Variants in REPS1 observed in about 807,000 individuals in gnomAD.
REPS1 encodes the protein ralBP1-associated Eps domain-containing protein 1.
Under a neutral mutation model 100.9 loss-of-function variants are expected in REPS1, and 39 were observed. The observed-to-expected ratio is 0.39, with a 90% CI of 0.30 to 0.50. REPS1 has a LOEUF of 0.50. REPS1 is among the 20% of genes least tolerant of loss of function. The probability of loss-of-function intolerance (pLI) is 0.86; values close to 1 mark genes in which losing one functional copy is unlikely to be tolerated. For synonymous variants in REPS1, 324 were observed against 340.3 expected (o/e 0.95, Z 0.53); for missense variants, 821 against 968.5 (o/e 0.85, Z 2.02).
intron 1 of REPS1, among the ~76,000 whole-genome samples, chr6:138,969,524 A>C (rs1485060037): frequency 6.6e-6 from 1 of 150,666 alleles, no homozygotes; most frequent in Non-Finnish European, 1.5e-5. Context: ...CCTGGGCTCA[A>C]GTGATCCATC....
rs142379058 is a variant in REPS1 at position 138,935,219 on chromosome 6, GT to G, written c.1136-5122del. Among the ~76,000 whole-genome samples the G allele has an allele frequency of 9.0e-3, 1,370 of 152,028 alleles. 16 individuals carry two copies. Among genetic ancestry groups the G allele is most frequent in the African/African-American group, 0.031 (1,296 of 41,476 alleles). On this transcript the variant is annotated intron_variant, in intron 8 of 19. Coordinates refer to ENST00000450536, the MANE Select transcript of REPS1 (RefSeq NM_001286611.2). ...TAATTGTTTTCAATTAAAACCAAAG[GT>G]TTAAAAAAATCAAAGTAAAAATGTG...
chr6:138,911,039 A>G, intron 17 of REPS1: 2 of 390,274 alleles, frequency 5.1e-6, no homozygotes, highest in Admixed American at 4.0e-5. Context: ...TCTACCTTAT[A>G]TAGTGGGAAG....
At chr6:138,950,988 G>A (rs915655021) in intron 1 of REPS1, 3 of 152,214 alleles carry the variant, frequency 2.0e-5, no homozygotes, top group African/African-American at 7.2e-5. Context: ...AGGAGTTCGA[G>A]GCCGGCCTGA....
intron 1 of REPS1, among the ~76,000 whole-genome samples, chr6:138,952,965 G>A (rs1783135068): frequency 6.6e-6 from 1 of 151,170 alleles, no homozygotes; most frequent in Non-Finnish European, 1.5e-5. Flanking sequence ...AGCATCCCAA[G>A]TAGCTGGGAT....
At chr6:138,926,098 G>A (rs1781100420) in intron 10 of REPS1, among the ~76,000 whole-genome samples, 1 of 152,274 alleles carries the variant, frequency 6.6e-6, no homozygotes, top group Non-Finnish European at 1.5e-5. Flanking sequence ...TAAACAGTAT[G>A]TATATAAAAT....
chr6:138,982,544 A>C (rs1785012544), intron 1 of REPS1, among the ~76,000 whole-genome samples: 2 of 152,202 alleles, frequency 1.3e-5, no homozygotes, highest in African/African-American at 4.8e-5. Context: ...TATCTTTCCT[A>C]ATCTTTAAAA....
Position 138,915,980 on chromosome 6 carries a change from C to G in REPS1, c.1602-4G>C. 1 of 1,596,372 alleles carries G rather than the reference C, an allele frequency of 6.3e-7. No homozygotes were observed. ...AGGCGACGTTCCTGAATGAGACCTG[C>G]AAAATTCACCCCATGATAATTGGTC... is the stretch of plus-strand genomic sequence containing the variant. On this transcript the variant is annotated splice_polypyrimidine_tract_variant and splice_region_variant and intron_variant, in intron 13 of 19. Transcript: ENST00000450536.
At chr6:138,947,037 T>TCTCG (rs1562544182) in intron 2 of REPS1, among the ~76,000 whole-genome samples, 1 of 19,366 alleles carries the variant, frequency 5.2e-5, no homozygotes, top group Non-Finnish European at 1.5e-4. Flanking sequence ...TCCCCCTTGC[T>TCTCG]CTCTCTCTCT....
At chr6:138,907,445 GTTTC>G in intron 19 of REPS1, 46 bp downstream of exon 19, 3 of 1,293,144 alleles carry the variant, frequency 2.3e-6, no homozygotes, top group Non-Finnish European at 3.4e-6. Flanking sequence ...TTCTCTTTAG[GTTTC>G]TTTACTAAGA....
chr6:138,978,085 C>T (rs114979388), intron 1 of REPS1, among the ~76,000 whole-genome samples: 1,572 of 126,046 alleles, frequency 0.012, 22 homozygotes, highest in African/African-American at 0.05. Context: ...TAAGAATGGG[C>T]TTTCGCCCAG....
chr6:138,947,409 G>A (rs952414729), intron 2 of REPS1, among the ~76,000 whole-genome samples: 5 of 152,080 alleles, frequency 3.3e-5, no homozygotes, highest in Non-Finnish European at 5.9e-5. Context: ...AAAGTATAAT[G>A]TTGTTTTATT....
At chr6:138,945,830 C>T (rs905183195) in intron 2 of REPS1, 133 bp from the exon 3 acceptor site, 15 of 696,964 alleles carry the variant, frequency 2.2e-5, no homozygotes, top group Non-Finnish European at 3.1e-5. Context: ...AAATGTCTAT[C>T]ACCACAAAAT....
chr6:138,937,661 T>G (rs1781941332), intron 8 of REPS1, among the ~76,000 whole-genome samples: 2 of 152,216 alleles, frequency 1.3e-5, no homozygotes, highest in Non-Finnish European at 2.9e-5. Flanking sequence ...CACACATCCC[T>G]TTCCTTCTTT....
At chr6:138,950,015 T>C (rs371102332) in intron 1 of REPS1, among the ~76,000 whole-genome samples, 1 of 152,202 alleles carries the variant, frequency 6.6e-6, no homozygotes, top group Admixed American at 6.5e-5. Flanking sequence ...AGCTTGTCAT[T>C]TCCCCTTTAG....
At chr6:138,973,898 A>G (rs1784465295) in intron 1 of REPS1, among the ~76,000 whole-genome samples, 1 of 152,140 alleles carries the variant, frequency 6.6e-6, no homozygotes, top group Admixed American at 6.5e-5. Flanking sequence ...TTTGGGGAAA[A>G]AAGATAAATC....
Position 138,905,797 on chromosome 6 carries a change from C to CA in REPS1, c.2323-666dup, listed in dbSNP as rs369913838. Among the ~76,000 whole-genome samples the CA allele has an allele frequency of 3.1e-3, 471 of 152,310 alleles. 2 individuals carry two copies. Among genetic ancestry groups the CA allele is most frequent in the African/African-American group, 0.011 (460 of 41,566 alleles). ...TGTAGCTTCTTTTCCCTAGTGATGACATCTGGCTATATCAACTCCTAGATC... is the reference window on the plus strand; with the variant it reads ...TGTAGCTTCTTTTCCCTAGTGATGACAATCTGGCTATATCAACTCCTAGATC... On this transcript the variant is annotated intron_variant, in intron 19 of 19. Coordinates refer to ENST00000450536, the MANE Select transcript of REPS1 (RefSeq NM_001286611.2).
chr6:138,930,127 A>G, intron 8 of REPS1, 29 bp from the exon 9 acceptor site: 1 of 1,602,984 alleles, frequency 6.2e-7, no homozygotes. Flanking sequence ...GAAATTCTCT[A>G]TAAAGACTAC....
At chr6:138,921,874 C>T (rs1780788425) in intron 10 of REPS1, among the ~76,000 whole-genome samples, 1 of 151,752 alleles carries the variant, frequency 6.6e-6, no homozygotes, top group African/African-American at 2.4e-5. Context: ...TGCGCCCGGC[C>T]AGGTAGGAGG....
intron 11 of REPS1, among the ~76,000 whole-genome samples, chr6:138,920,730 T>C (rs1377228214): frequency 2.6e-5 from 4 of 152,216 alleles, no homozygotes; most frequent in South Asian, 2.1e-4. Context: ...CCAAAATTTA[T>C]TTTAACATAT....
Sources: allele counts gnomAD v4.1 joint callset (sites outside exome capture counted in the v4.1 genomes callset), GRCh38; gene constraint gnomAD v4.1.1; transcripts MANE v1.5; gene names NCBI Gene and HGNC (gene_info 2026-07-23, HGNC 2026-07-21).